IREB2: variants seen among roughly 807,000 people sequenced by gnomAD.
IREB2 encodes iron responsive element binding protein 2, also known as iron-responsive element-binding protein 2.
IREB2 carries 39 observed loss-of-function variants against 118.8 expected under a neutral mutation model. The ratio of observed to expected loss-of-function variants is 0.33; its 90% CI spans 0.25 to 0.43. The LOEUF (loss-of-function observed/expected upper bound fraction) is 0.43, where lower values mean the gene tolerates loss of function less well. Ranked by LOEUF, IREB2 falls within the 20% of genes least tolerant of loss-of-function variation. The pLI, the probability that IREB2 is intolerant of heterozygous loss-of-function variation, is 1.00. For synonymous variants in IREB2, 372 were observed against 392.2 expected, an observed-to-expected ratio of 0.95 and a Z score of 0.61; for missense variants, 900 against 1,147.3, an observed-to-expected ratio of 0.78 and a Z score of 3.11.
chr15:78,489,756 C>T (rs756551683), intron 16 of IREB2, among the ~76,000 whole-genome samples: 22 of 152,280 alleles, frequency 1.4e-4, no homozygotes, highest in Non-Finnish European at 2.8e-4. Flanking sequence ...AGTGATCCGC[C>T]CACCTCAGCC....
intron 6 of IREB2, 78 bp from the exon 7 acceptor site, chr15:78,471,663 A>G (rs1046525478): frequency 1.3e-6 from 1 of 798,834 alleles, no homozygotes; most frequent in Admixed American, 3.2e-5. Context: ...AATATTTTTA[A>G]TGTTAATATT....
intron 20 of IREB2, 50 bp downstream of exon 20, chr15:78,494,314 T>C: frequency 1.9e-6 from 3 of 1,569,062 alleles, no homozygotes; most frequent in Non-Finnish European, 2.6e-6. Flanking sequence ...GTTTTAACTG[T>C]TCCCTTTTGT....
chr15:78,442,708 G>T (rs561593438), intron 2 of IREB2, among the ~76,000 whole-genome samples: 6 of 152,300 alleles, frequency 3.9e-5, no homozygotes, highest in African/African-American at 1.4e-4. Context: ...GAGATTGGCA[G>T]ACTGGGGCTG....
intron 2 of IREB2, among the ~76,000 whole-genome samples, chr15:78,461,368 C>G (rs1359249922): frequency 6.6e-6 from 1 of 151,978 alleles, no homozygotes; most frequent in African/African-American, 2.4e-5. Context: ...TAGTAAAGAG[C>G]CTTACCCTTC....
intron 3 of IREB2, among the ~76,000 whole-genome samples, chr15:78,464,159 T>C (rs1222173888): frequency 6.6e-6 from 1 of 152,224 alleles, no homozygotes; most frequent in Non-Finnish European, 1.5e-5. Flanking sequence ...CTGTCACACT[T>C]GCAATCAATA....
intron 21 of IREB2, among the ~76,000 whole-genome samples, chr15:78,497,610 T>A (rs1202193504): frequency 6.6e-6 from 1 of 152,170 alleles, no homozygotes; most frequent in East Asian, 1.9e-4. Flanking sequence ...GCTGTCCTGA[T>A]CTAATTTTAA....
At chr15:78,470,689 CTTTTTTT>C (rs67871183) in intron 6 of IREB2, 88 bp downstream of exon 6, 30 of 209,992 alleles carry the variant, frequency 1.4e-4, no homozygotes, top group East Asian at 7.2e-4. Context: ...TTTTCTTTTC[CTTTTTTT>C]TTTTTTTTTT....
chr15:78,445,327 A>G (rs1324609676), intron 2 of IREB2, among the ~76,000 whole-genome samples: 1 of 152,112 alleles, frequency 6.6e-6, no homozygotes, highest in African/African-American at 2.4e-5. Flanking sequence ...TAGTAGAGAC[A>G]GGGTTTCGCC....
At chr15:78,449,825 C>T (rs190194042) in intron 2 of IREB2, among the ~76,000 whole-genome samples, 39 of 152,154 alleles carry the variant, frequency 2.6e-4, no homozygotes, top group Non-Finnish European at 4.6e-4. Context: ...AGCCGAACCA[C>T]CTATTGGATC....
At position 78,439,220 on chromosome 15, in the gene IREB2, A is replaced by G. The variant is rs187465531; in HGVS notation, c.20-575A>G. Among the ~76,000 whole-genome samples the G allele has an allele frequency of 2.0e-5, 3 of 152,288 alleles. No homozygotes were observed. The East Asian group carries it at 5.8e-4, about 29-fold the overall frequency. On this transcript the variant is annotated intron_variant, in intron 1 of 21. Coordinates refer to ENST00000258886, the MANE Select transcript of IREB2 (RefSeq NM_004136.4). ...TTCGGGTAGAATATGCTAATTTCCT[A>G]GAGATTCTGTTACTTTTATTTTCAG... is the stretch of plus-strand genomic sequence containing the variant.
chr15:78,465,503 G>C (rs943809347), intron 4 of IREB2, 115 bp downstream of exon 4: 1 of 928,966 alleles, frequency 1.1e-6, no homozygotes, highest in Non-Finnish European at 1.6e-6. Flanking sequence ...GCTAAATTTA[G>C]TATTGGCTAG....
chr15:78,482,400 T>A (rs548784108), intron 10 of IREB2, among the ~76,000 whole-genome samples: 1 of 152,158 alleles, frequency 6.6e-6, no homozygotes, highest in South Asian at 2.1e-4. Context: ...TAAATAGGAA[T>A]CTAGTTGGAA....
In IREB2 at chr15:78,467,796, A is replaced by C. The variant is rs539749927; in HGVS notation, c.629+1307A>C. The stretch of plus-strand genomic sequence containing the variant: ...GAGACAAGGTCTCACTATGTTGCCC[A>C]TGCTGGTCTCAAACTCTTAGGCTCA... On this transcript the variant is annotated intron_variant, in intron 5 of 21. Transcript: ENST00000258886. Among the ~76,000 whole-genome samples, 16 of 152,342 alleles carry C rather than the reference A, an allele frequency of 1.1e-4. No homozygotes were observed. The South Asian group carries it at 3.3e-3, about 32-fold the overall frequency.
At position 78,494,156 on chromosome 15, in the gene IREB2, G is replaced by A. The variant is rs1370179515; in HGVS notation, c.2487G>A (p.Glu829=). The A allele has an allele frequency of 6.2e-7, 1 of 1,613,864 alleles. No homozygotes were observed. The change falls in exon 20 of 22, where the codon GAG becomes GAA. Residue 829 remains glutamate, a synonymous_variant. Coordinates refer to ENST00000258886, the MANE Select transcript of IREB2 (RefSeq NM_004136.4). ...FPSGQTLDVF[E]AAELYQKEGI... ...TTAATCTACAGCTAGATGTATTTGAGGCTGCAGAGCTGTACCAGAAAGAAG... is the reference window on the plus strand; with the variant it reads ...TTAATCTACAGCTAGATGTATTTGAAGCTGCAGAGCTGTACCAGAAAGAAG...
At chr15:78,448,069 C>G (rs946458579) in intron 2 of IREB2, among the ~76,000 whole-genome samples, 10 of 152,238 alleles carry the variant, frequency 6.6e-5, no homozygotes, top group African/African-American at 2.4e-4. Context: ...GGTGAAAAAA[C>G]AAAATCTTAT....
At chr15:78,458,874 GATC>G (rs1340276040) in intron 2 of IREB2, among the ~76,000 whole-genome samples, 6 of 152,172 alleles carry the variant, frequency 3.9e-5, no homozygotes, top group African/African-American at 1.4e-4. Flanking sequence ...GCAGTGGCAA[GATC>G]AGCCTTGACT....
intron 9 of IREB2, among the ~76,000 whole-genome samples, chr15:78,477,007 T>C (rs1191251207): frequency 1.3e-5 from 2 of 152,210 alleles, no homozygotes; most frequent in South Asian, 2.1e-4. Flanking sequence ...AGTATAGATA[T>C]TTATTTGGAG....
intron 20 of IREB2, among the ~76,000 whole-genome samples, chr15:78,494,491 T>C (rs193053292): frequency 2.6e-5 from 4 of 152,362 alleles, no homozygotes; most frequent in African/African-American, 4.8e-5. Flanking sequence ...TACATCAGTC[T>C]TATGTGAAGA....
chr15:78,461,100 T>C (rs573713836), intron 2 of IREB2, among the ~76,000 whole-genome samples: 39 of 152,168 alleles, frequency 2.6e-4, no homozygotes, highest in African/African-American at 8.9e-4. Flanking sequence ...GAATGAGTCC[T>C]GATACACCCT....
Sources: gnomAD v4.1 joint callset for allele counts (sites outside exome capture counted in the v4.1 genomes callset) on GRCh38, gnomAD v4.1.1 for gene constraint, MANE v1.5 for transcripts, NCBI Gene and HGNC (gene_info 2026-07-23, HGNC 2026-07-21) for gene names.